Variants in ESYT2 observed in about 807,000 individuals in gnomAD.
ESYT2 encodes extended synaptotagmin 2, also known as extended synaptotagmin-2.
ESYT2 carries 54 observed loss-of-function variants against 107.2 expected under a neutral mutation model. The observed-to-expected ratio is 0.50, with a 90% CI of 0.40 to 0.63. ESYT2 has a LOEUF of 0.63. ESYT2 is among the 30% of genes least tolerant of loss of function. The probability of loss-of-function intolerance (pLI) is 0.00; values close to 1 mark genes in which losing one functional copy is unlikely to be tolerated. For missense variants in ESYT2, 1,020 were observed against 1,094.5 expected (o/e 0.93, Z 0.96); for synonymous variants, 491 against 434.1 (o/e 1.13, Z -1.63).
At chr7:158,734,367 G>C (rs1265808584) in intron 22 of ESYT2, 55 bp downstream of exon 22, 115 of 1,611,844 alleles carry the variant, frequency 7.1e-5, no homozygotes, top group Non-Finnish European at 9.8e-5. Flanking sequence ...CACTGGGCGG[G>C]GAAAGCGTTT....
chr7:158,757,844 C>T (rs1293555189), intron 13 of ESYT2, among the ~76,000 whole-genome samples: 2 of 151,962 alleles, frequency 1.3e-5, no homozygotes, highest in Admixed American at 6.6e-5. Flanking sequence ...TCTAAAGAGG[C>T]CTAACCTTTT....
At chr7:158,745,586 A>G (rs545880558) in intron 16 of ESYT2, among the ~76,000 whole-genome samples, 42 of 152,308 alleles carry the variant, frequency 2.8e-4, no homozygotes, top group African/African-American at 9.6e-4. Context: ...CAGGACAGGC[A>G]GTGCTCTGGG....
At chr7:158,772,786 A>C (rs1838418385) in intron 7 of ESYT2, among the ~76,000 whole-genome samples, 4 of 152,020 alleles carry the variant, frequency 2.6e-5, no homozygotes, top group Non-Finnish European at 1.5e-5. Context: ...ACTCCCAGTG[A>C]AATGATACGG....
rs542075405 is a variant in ESYT2, at chr7:158,739,495, C to T, written c.2169-374G>A. ...CTGAGTAGCTGGGATTACAGGCGCC[C>T]GCCACCACGCCCAGCTAATTTTTTG... On this transcript the variant is annotated intron_variant, in intron 18 of 22. Transcript: ENST00000275418. Among the ~76,000 whole-genome samples, 942 of 152,124 alleles carry T rather than the reference C, an allele frequency of 6.2e-3. 2 individuals carry two copies. Among genetic ancestry groups the T allele is most frequent in the Non-Finnish European group, 9.5e-3 (649 of 67,966 alleles).
chr7:158,734,299 T>C (rs1435993743), intron 22 of ESYT2, 47 bp from the exon 23 acceptor site: 5 of 1,613,486 alleles, frequency 3.1e-6, no homozygotes, highest in South Asian at 1.1e-5. Flanking sequence ...CAGGACCAAG[T>C]AGGAAAAGCC....
At chr7:158,796,161 C>T (rs962396564) in intron 3 of ESYT2, among the ~76,000 whole-genome samples, 2 of 152,154 alleles carry the variant, frequency 1.3e-5, no homozygotes, top group Non-Finnish European at 2.9e-5. Flanking sequence ...TGTGCAACAA[C>T]GTGTGCAGAC....
Position 158,760,084 on chromosome 7 carries a change from T to G in ESYT2, c.1297A>C (p.Met433Leu). 1 of 1,614,212 alleles carries G rather than the reference T, an allele frequency of 6.2e-7. No individual in the cohort carries two copies. The highest frequency in any genetic ancestry group is 2.2e-5 in the East Asian group (1 of 44,894). Residue 433 changes from methionine (M) to leucine (L), a missense_variant, in exon 12 of 23, where the codon ATG becomes CTG. Coordinates refer to ENST00000275418, the MANE Select transcript of ESYT2 (RefSeq NM_001367773.1). ...TTGTCGAGGTTTGACGCATTTGGCA[T>G]TAACGTGAGCCACTCCAGTCTCAAG... ...LHLRLEWLTLMPNASNLDKVL... is the reference protein window; with the variant it reads ...LHLRLEWLTLLPNASNLDKVL...
chr7:158,784,881 G>T (rs991382443), intron 6 of ESYT2, among the ~76,000 whole-genome samples: 2 of 152,316 alleles, frequency 1.3e-5, no homozygotes, highest in Non-Finnish European at 2.9e-5. Flanking sequence ...GACTCCAAAA[G>T]TTGGTGGATG....
intron 13 of ESYT2, among the ~76,000 whole-genome samples, chr7:158,757,740 TAC>T (rs1379940384): frequency 1.4e-5 from 2 of 145,012 alleles, no homozygotes; most frequent in Non-Finnish European, 3.0e-5. Flanking sequence ...AGAAGATCAA[TAC>T]AGTCTCTCTG....
intron 1 of ESYT2, among the ~76,000 whole-genome samples, chr7:158,826,021 G>GA (rs34601173): frequency 0.06 from 7,213 of 119,724 alleles, 552 homozygotes; most frequent in African/African-American, 0.2. Context: ...CTCATCTCTA[G>GA]AAAAAAAAAA....
chr7:158,743,901 C>T lies in ESYT2; in HGVS notation c.1645-223G>A, dbSNP rs1837307547. ...CAGCCTGGCCAACATGGTGAAACCT[C>T]ATCTCTACTAAAAATACAAAAAATT... On this transcript the variant is annotated intron_variant, in intron 16 of 22. Coordinates refer to ENST00000275418, the MANE Select transcript of ESYT2 (RefSeq NM_001367773.1). 7 of 438,370 alleles carry T rather than the reference C, an allele frequency of 1.6e-5. No homozygotes were observed. The East Asian group carries it at 2.6e-4, about 16-fold the overall frequency. The allele number at this position is 438,370 out of a possible 1,614,324, so 27.2% of individuals were successfully genotyped here.
intron 13 of ESYT2, among the ~76,000 whole-genome samples, chr7:158,757,726 T>G (rs920265364): frequency 1.3e-5 from 2 of 151,780 alleles, no homozygotes; most frequent in African/African-American, 4.8e-5. Flanking sequence ...AGTGCCCTTT[T>G]AACAGAAGAT....
At chr7:158,824,932 G>A (rs193156584) in intron 1 of ESYT2, among the ~76,000 whole-genome samples, 3 of 152,296 alleles carry the variant, frequency 2.0e-5, no homozygotes, top group Admixed American at 1.3e-4. Flanking sequence ...TAGGTGGTTC[G>A]CTTGAGCCCA....
chr7:158,783,735 G>A (rs1050489444), intron 6 of ESYT2, among the ~76,000 whole-genome samples: 22 of 152,250 alleles, frequency 1.4e-4, no homozygotes, highest in African/African-American at 5.1e-4. Context: ...GGGTGAGTCA[G>A]AGAACCACAG....
intron 13 of ESYT2, among the ~76,000 whole-genome samples, chr7:158,754,358 C>A (rs1299069182): frequency 6.6e-6 from 1 of 152,048 alleles, no homozygotes; most frequent in African/African-American, 2.4e-5. Flanking sequence ...AGGCATGCAC[C>A]ACCACACCCG....
chr7:158,814,287 TTATATATATA>T lies in ESYT2; in HGVS notation c.330+14792_330+14801del, dbSNP rs58908927. Among the ~76,000 whole-genome samples, 186 of 66,668 alleles carry T rather than the reference TTATATATATA, an allele frequency of 2.8e-3. 2 individuals are homozygous for T. Among genetic ancestry groups the T allele is most frequent in the South Asian group, 6.0e-3 (11 of 1,840 alleles). The allele number at this position is 66,668 out of a possible 152,430, so 43.7% of individuals were successfully genotyped here. On this transcript the variant is annotated intron_variant, in intron 1 of 22. Coordinates refer to ENST00000275418, the MANE Select transcript of ESYT2 (RefSeq NM_001367773.1). Reference sequence around the variant, plus strand: ...AGACTCCGTCTCAAAAAAAAAAAAATTATATATATATATATATATATATATATATATATAT... The same window carrying T: ...AGACTCCGTCTCAAAAAAAAAAAAATTATATATATATATATATATATATAT...
chr7:158,771,623 C>T (rs1466083134), intron 7 of ESYT2, among the ~76,000 whole-genome samples: 1 of 152,190 alleles, frequency 6.6e-6, no homozygotes, highest in Non-Finnish European at 1.5e-5. Context: ...CACGCCCACC[C>T]TGCATGGGTG....
Position 158,794,787 on chromosome 7 carries a change from G to GA in ESYT2, c.508-1062dup, listed in dbSNP as rs1185655535. Among the ~76,000 whole-genome samples the GA allele has an allele frequency of 3.3e-5, 5 of 152,090 alleles. 1 individual carries two copies. Among genetic ancestry groups the GA allele is most frequent in the Admixed American group, 3.3e-4 (5 of 15,276 alleles). ...GTAAGACCCTGTCTCAAAAATGAAA[G>GA]AAGCACTTTACCTTTAGAGTACTAC... On this transcript the variant is annotated intron_variant, in intron 3 of 22. Coordinates refer to ENST00000275418, the MANE Select transcript of ESYT2 (RefSeq NM_001367773.1).
At chr7:158,792,764 G>GTTTT (rs35348712) in intron 4 of ESYT2, among the ~76,000 whole-genome samples, 29 of 117,798 alleles carry the variant, frequency 2.5e-4, no homozygotes, top group East Asian at 6.4e-4. Flanking sequence ...ATAACGTGGG[G>GTTTT]TTTTTTTTTT....
Sources: allele counts gnomAD v4.1 joint callset (sites outside exome capture counted in the v4.1 genomes callset), GRCh38; gene constraint gnomAD v4.1.1; transcripts MANE v1.5; gene names NCBI Gene and HGNC (gene_info 2026-07-23, HGNC 2026-07-21).